RSU1: variants seen among roughly 807,000 people sequenced by gnomAD.
RSU1 encodes rsu-1.
In RSU1, 26 loss-of-function variants were observed where a neutral mutation model predicts 31.1. The ratio of observed to expected loss-of-function variants is 0.84; its 90% CI spans 0.61 to 1.16. The LOEUF (loss-of-function observed/expected upper bound fraction) is 1.16, where lower values mean the gene tolerates loss of function less well. Ranked by LOEUF, RSU1 falls within the 50% of genes most tolerant of loss-of-function variation. The probability of loss-of-function intolerance (pLI) is 0.00; values close to 1 mark genes in which losing one functional copy is unlikely to be tolerated. For missense variants in RSU1, 320 were observed against 339.1 expected, an observed-to-expected ratio of 0.94 and a Z score of 0.44; for synonymous variants, 164 against 136.3, an observed-to-expected ratio of 1.20 and a Z score of -1.41.
In RSU1 at chr10:16,657,104, A is replaced by G. The variant is rs558767964; in HGVS notation, c.731+37919T>C. Among the ~76,000 whole-genome samples the G allele has an allele frequency of 4.7e-4, 72 of 152,378 alleles. No individual in the cohort carries two copies. In the South Asian group the frequency reaches 0.014, roughly 30 times the overall value. ...AACAAAATATGAATGACACATGCACATGCTTAGCTGATGGAGAACACAGAG... is the reference window on the plus strand; with the variant it reads ...AACAAAATATGAATGACACATGCACGTGCTTAGCTGATGGAGAACACAGAG... On this transcript the variant is annotated intron_variant, in intron 8 of 8. Coordinates refer to ENST00000345264, the MANE Select transcript of RSU1 (RefSeq NM_012425.4).
chr10:16,816,851 G>C, intron 2 of RSU1, 122 bp downstream of exon 2: 1 of 690,374 alleles, frequency 1.4e-6, no homozygotes, highest in East Asian at 2.6e-5. Flanking sequence ...TGACAAGTGA[G>C]GTTTACAAGC....
At chr10:16,594,115 A>T (rs1833563099) in intron 8 of RSU1, among the ~76,000 whole-genome samples, 1 of 152,238 alleles carries the variant, frequency 6.6e-6, no homozygotes, top group Admixed American at 6.5e-5. Flanking sequence ...TAATTAATCG[A>T]TAATTTATGA....
At chr10:16,667,624 A>C (rs537501365) in intron 8 of RSU1, among the ~76,000 whole-genome samples, 128 of 152,096 alleles carry the variant, frequency 8.4e-4, no homozygotes, top group Non-Finnish European at 1.7e-3. Context: ...AGTAGCTGGG[A>C]TTACAGGCGT....
chr10:16,789,809 T>C (rs989533659), intron 2 of RSU1, among the ~76,000 whole-genome samples: 8 of 152,228 alleles, frequency 5.3e-5, no homozygotes, highest in African/African-American at 1.7e-4. Flanking sequence ...GAGAACAAAC[T>C]GTTATTAAAA....
intron 8 of RSU1, among the ~76,000 whole-genome samples, chr10:16,689,351 G>C (rs1835498148): frequency 1.3e-5 from 2 of 152,302 alleles, no homozygotes; most frequent in East Asian, 1.9e-4. Flanking sequence ...TCACCTATTA[G>C]GTTTGAAATG....
intron 7 of RSU1, among the ~76,000 whole-genome samples, chr10:16,749,686 C>T (rs748605737): frequency 5.3e-5 from 8 of 152,152 alleles, no homozygotes; most frequent in East Asian, 3.9e-4. Flanking sequence ...ACGGGGACAA[C>T]GCAACTGGCT....
At chr10:16,737,771 A>G (rs776425441) in intron 7 of RSU1, among the ~76,000 whole-genome samples, 4 of 151,590 alleles carry the variant, frequency 2.6e-5, no homozygotes, top group Non-Finnish European at 5.9e-5. Context: ...AAAAAAAACA[A>G]TATTACTGGG....
At chr10:16,783,337 C>T (rs985907578) in intron 2 of RSU1, among the ~76,000 whole-genome samples, 1 of 150,334 alleles carries the variant, frequency 6.7e-6, no homozygotes, top group Non-Finnish European at 1.5e-5. Context: ...AGAAAATATG[C>T]ATCACTTCTA....
chr10:16,717,548 A>G (rs1836167991), intron 7 of RSU1, among the ~76,000 whole-genome samples: 3 of 152,244 alleles, frequency 2.0e-5, no homozygotes, highest in Admixed American at 2.0e-4. Flanking sequence ...AATTATTTCC[A>G]TATAACCATG....
intron 2 of RSU1, among the ~76,000 whole-genome samples, chr10:16,794,914 A>G (rs1179022341): frequency 2.0e-5 from 3 of 152,246 alleles, no homozygotes; most frequent in Non-Finnish European, 4.4e-5. Flanking sequence ...TGAGATCCTG[A>G]GAAAAATCAC....
intron 7 of RSU1, among the ~76,000 whole-genome samples, chr10:16,714,771 G>C (rs544462944): frequency 6.6e-6 from 1 of 152,214 alleles, no homozygotes; most frequent in African/African-American, 2.4e-5. Flanking sequence ...CTACTGGTGC[G>C]CAGGGCAGGA....
intron 8 of RSU1, among the ~76,000 whole-genome samples, chr10:16,662,951 C>T (rs1483365923): frequency 9.5e-5 from 14 of 147,954 alleles, no homozygotes; most frequent in South Asian, 4.4e-4. Context: ...ATCATAATTT[C>T]GGGGGCATCT....
At chr10:16,777,891 C>A (rs1364315433) in intron 3 of RSU1, among the ~76,000 whole-genome samples, 1 of 152,086 alleles carries the variant, frequency 6.6e-6, no homozygotes, top group African/African-American at 2.4e-5. Flanking sequence ...TCTGAGCGGT[C>A]ATGAAAACAG....
At chr10:16,606,410 A>G (rs1436182801) in intron 8 of RSU1, among the ~76,000 whole-genome samples, 1 of 152,202 alleles carries the variant, frequency 6.6e-6, no homozygotes, top group African/African-American at 2.4e-5. Context: ...GATTACAGGT[A>G]CAACTCACCA....
chr10:16,732,730 C>T (rs1021546165), intron 7 of RSU1, among the ~76,000 whole-genome samples: 1 of 152,182 alleles, frequency 6.6e-6, no homozygotes, highest in Admixed American at 6.5e-5. Context: ...CCTGGTGTTC[C>T]AATTTAACAG....
At chr10:16,795,956 C>T (rs1046759368) in intron 2 of RSU1, among the ~76,000 whole-genome samples, 2 of 152,138 alleles carry the variant, frequency 1.3e-5, no homozygotes, top group Non-Finnish European at 2.9e-5. Context: ...CCTCAACCTT[C>T]CCCCATACTT....
At chr10:16,646,039 TACATATATGTGTATATATATATACACAC>T (rs1564298639) in intron 8 of RSU1, among the ~76,000 whole-genome samples, 35 of 62,652 alleles carry the variant, frequency 5.6e-4, no homozygotes, top group Admixed American at 1.3e-3. Flanking sequence ...TATGTGTATA[TACATATATGTGTATATATATATACACAC>T]ACACACACAC....
chr10:16,792,825 C>A (rs905782479), intron 2 of RSU1, among the ~76,000 whole-genome samples: 2 of 152,216 alleles, frequency 1.3e-5, no homozygotes, highest in Non-Finnish European at 2.9e-5. Flanking sequence ...CTAGAAACAG[C>A]CACAGCTTTA....
intron 7 of RSU1, among the ~76,000 whole-genome samples, chr10:16,722,289 T>A (rs1015790526): frequency 6.6e-6 from 1 of 152,158 alleles, no homozygotes; most frequent in South Asian, 2.1e-4. Context: ...CTGGGGGTCT[T>A]GGAACATATC....
Sources: allele counts gnomAD v4.1 joint callset (sites outside exome capture counted in the v4.1 genomes callset), GRCh38; gene constraint gnomAD v4.1.1; transcripts MANE v1.5; gene names NCBI Gene and HGNC (gene_info 2026-07-23, HGNC 2026-07-21).